The following PPARGC1A variants were observed in gnomAD, a reference collection of about 807,000 sequenced individuals.
PPARGC1A encodes peroxisome proliferator-activated receptor gamma coactivator 1-alpha.
In PPARGC1A, 25 loss-of-function variants were observed where a neutral mutation model predicts 88.7. That is an observed-to-expected ratio of 0.28 (90% CI 0.21 to 0.39). The LOEUF (loss-of-function observed/expected upper bound fraction) is 0.39. Ranked by LOEUF, PPARGC1A falls within the 10% of genes least tolerant of loss-of-function variation. PPARGC1A has a pLI of 1.00. For synonymous variants in PPARGC1A, 363 were observed against 355.6 expected (o/e 1.02, Z -0.24); for missense variants, 880 against 968.7 (o/e 0.91, Z 1.22).
At chr4:23,939,748 C>T in the PPARGC1A span, among the ~76,000 whole-genome samples, 2 of 152,134 alleles carry the variant, frequency 1.3e-5, no homozygotes, top group Non-Finnish European at 2.9e-5. Context: ...CTTCAGAATA[C>T]AATATCATAA....
intron 1 of PPARGC1A, among the ~76,000 whole-genome samples, chr4:23,887,023 C>T (rs1415676942): frequency 1.3e-5 from 2 of 152,168 alleles, no homozygotes; most frequent in African/African-American, 4.8e-5. Flanking sequence ...ACAACTTCTT[C>T]CTGTCCCTCT....
At chr4:24,339,191 C>CGT in the PPARGC1A span, among the ~76,000 whole-genome samples, 9 of 103,040 alleles carry the variant, frequency 8.7e-5, no homozygotes, top group African/African-American at 1.6e-4. Context: ...AAGGTTCATC[C>CGT]ATGTGTGTGT....
At chr4:24,215,403 T>G in the PPARGC1A span, among the ~76,000 whole-genome samples, 1 of 152,166 alleles carries the variant, frequency 6.6e-6, no homozygotes, top group African/African-American at 2.4e-5. Context: ...CCTCATTAAA[T>G]TACTGTTAAA....
chr4:24,382,625 A>G, the PPARGC1A span, among the ~76,000 whole-genome samples: 1 of 152,222 alleles, frequency 6.6e-6, no homozygotes, highest in East Asian at 1.9e-4. Flanking sequence ...GTAGTTATCC[A>G]TTTGCAAGTA....
At chr4:24,231,287 A>C in the PPARGC1A span, among the ~76,000 whole-genome samples, 1 of 152,236 alleles carries the variant, frequency 6.6e-6, no homozygotes, top group South Asian at 2.1e-4. Flanking sequence ...AGTTGGGACC[A>C]GGAACCTCTG....
At chr4:24,343,467 A>T in the PPARGC1A span, among the ~76,000 whole-genome samples, 2 of 152,178 alleles carry the variant, frequency 1.3e-5, no homozygotes, top group Non-Finnish European at 2.9e-5. Context: ...CGCAGCAACA[A>T]GGCATCATTT....
chr4:24,014,492 C>G, the PPARGC1A span, among the ~76,000 whole-genome samples: 1 of 152,262 alleles, frequency 6.6e-6, no homozygotes, highest in Non-Finnish European at 1.5e-5. Context: ...ATCAGATGAG[C>G]ATATCATAGC....
At chr4:23,929,014 G>A in the PPARGC1A span, among the ~76,000 whole-genome samples, 4 of 152,030 alleles carry the variant, frequency 2.6e-5, no homozygotes, top group Non-Finnish European at 5.9e-5. Context: ...AGGAAAAATT[G>A]CTAATGCATG....
chr4:23,807,996 A>T (rs1367809926), intron 10 of PPARGC1A, among the ~76,000 whole-genome samples: 2 of 152,080 alleles, frequency 1.3e-5, no homozygotes. Flanking sequence ...AAAAAGAATA[A>T]CTCTGAGCAC....
chr4:24,183,605 T>C, the PPARGC1A span, among the ~76,000 whole-genome samples: 1 of 152,222 alleles, frequency 6.6e-6, no homozygotes, highest in Non-Finnish European at 1.5e-5. Flanking sequence ...TCCAGGCTGA[T>C]ATTCAGAACA....
chr4:24,266,422 G>GCATT, the PPARGC1A span, among the ~76,000 whole-genome samples: 2 of 152,272 alleles, frequency 1.3e-5, no homozygotes, highest in East Asian at 3.9e-4. Flanking sequence ...CATGGGTTTA[G>GCATT]CATTCATTCA....
the PPARGC1A span, among the ~76,000 whole-genome samples, chr4:23,933,676 C>A: frequency 1.3e-5 from 2 of 152,228 alleles, no homozygotes; most frequent in Admixed American, 6.5e-5. Context: ...TTTATGAGAG[C>A]TAGCCTTGCC....
At chr4:24,214,022 C>T in the PPARGC1A span, among the ~76,000 whole-genome samples, 209 of 152,196 alleles carry the variant, frequency 1.4e-3, 1 homozygote, top group African/African-American at 4.8e-3. Flanking sequence ...AGCGCTGTAG[C>T]GATCAAGAAA....
the PPARGC1A span, among the ~76,000 whole-genome samples, chr4:24,123,782 A>G: frequency 1.3e-5 from 2 of 151,808 alleles, no homozygotes; most frequent in African/African-American, 2.4e-5. Context: ...TGACTTTTCC[A>G]TTTGCTGGAG....
At chr4:23,875,064 T>G (rs1366201481) in intron 2 of PPARGC1A, among the ~76,000 whole-genome samples, 2 of 152,358 alleles carry the variant, frequency 1.3e-5, no homozygotes, top group African/African-American at 2.4e-5. Context: ...TGACCAACTT[T>G]GCGGTGTCTT....
At chr4:24,140,851 G>C in the PPARGC1A span, among the ~76,000 whole-genome samples, 2 of 152,076 alleles carry the variant, frequency 1.3e-5, no homozygotes, top group Non-Finnish European at 2.9e-5. Context: ...ACTAGAAGGA[G>C]ACATTTCCCC....
the PPARGC1A span, among the ~76,000 whole-genome samples, chr4:24,467,131 G>A: frequency 2.0e-5 from 3 of 151,436 alleles, no homozygotes; most frequent in Non-Finnish European, 4.4e-5. Context: ...ATGGAGGAAG[G>A]AAGGAAGGAA....
the PPARGC1A span, among the ~76,000 whole-genome samples, chr4:24,353,321 G>A: frequency 6.6e-6 from 1 of 151,444 alleles, no homozygotes; most frequent in East Asian, 1.9e-4. Context: ...AGCATAGAAG[G>A]GAACTGAAGT....
At chr4:23,865,872 T>C (rs1412566588) in intron 2 of PPARGC1A, among the ~76,000 whole-genome samples, 2 of 152,040 alleles carry the variant, frequency 1.3e-5, no homozygotes, top group African/African-American at 4.8e-5. Flanking sequence ...ATGAAATGAG[T>C]GGAAACTAGT....
Sources: gnomAD v4.1 joint callset for allele counts (sites outside exome capture counted in the v4.1 genomes callset) on GRCh38, gnomAD v4.1.1 for gene constraint, MANE v1.5 for transcripts, NCBI Gene and HGNC (gene_info 2026-07-23, HGNC 2026-07-21) for gene names.